The following PRH1 variants were observed in gnomAD, a reference collection of about 807,000 sequenced individuals.
The protein encoded by PRH1 is proline rich protein HaeIII subfamily 1.
PRH1 carries 7 observed loss-of-function variants against 7.9 expected under a neutral mutation model. That is an observed-to-expected ratio of 0.89 (90% CI 0.50 to 1.67). PRH1 has a LOEUF of 1.67. PRH1 is among the 40% of genes most tolerant of loss of function. The probability of loss-of-function intolerance (pLI) is 0.00; values close to 1 mark genes in which losing one functional copy is unlikely to be tolerated. For synonymous variants in PRH1, 45 were observed against 80.8 expected (o/e 0.56, Z 2.38); for missense variants, 109 against 223.6 (o/e 0.49, Z 3.27).
intron 1 of PRH1, among the ~76,000 whole-genome samples, chr12:11,169,329 G>T (rs1947737147): frequency 6.6e-6 from 1 of 152,090 alleles, no homozygotes; most frequent in Non-Finnish European, 1.5e-5. Context: ...CTAAATTATT[G>T]CTCCTATCCC....
intron 1 of PRH1, among the ~76,000 whole-genome samples, chr12:11,036,568 C>T (rs191594996): frequency 1.1e-3 from 175 of 152,254 alleles, no homozygotes; most frequent in African/African-American, 4.0e-3. Flanking sequence ...TTTATTTACA[C>T]GAAAATCTGA....
intron 1 of PRH1, among the ~76,000 whole-genome samples, chr12:11,154,410 A>C (rs1231845830): frequency 6.6e-6 from 1 of 152,234 alleles, no homozygotes. Context: ...TGAGACCCAA[A>C]GCAGGGGCCA....
At chr12:11,061,759 AC>A in intron 1 of PRH1, 1 of 1,614,082 alleles carries the variant, frequency 6.2e-7, no homozygotes, top group Non-Finnish European at 8.5e-7. Context: ...TAGGATGGTT[AC>A]CGTTGTATTT....
chr12:11,122,206 AC>A (rs756551670), intron 1 of PRH1, among the ~76,000 whole-genome samples: 115 of 152,360 alleles, frequency 7.5e-4, no homozygotes, highest in Non-Finnish European at 1.0e-3. Context: ...TTTTCCATTT[AC>A]CATAAGGACA....
At chr12:10,946,213 A>C (rs868504851) in intron 2 of PRH1, among the ~76,000 whole-genome samples, 16 of 152,216 alleles carry the variant, frequency 1.1e-4, no homozygotes, top group African/African-American at 3.9e-4. Flanking sequence ...AATCTTCACA[A>C]TTTATGTTCA....
intron 1 of PRH1, among the ~76,000 whole-genome samples, chr12:10,989,935 C>T (rs1404470479): frequency 1.3e-5 from 2 of 152,090 alleles, no homozygotes; most frequent in Admixed American, 6.5e-5. Flanking sequence ...TATCCTGTGG[C>T]ATTTGTTTTT....
chr12:11,086,110 C>CG (rs200314867), intron 1 of PRH1, among the ~76,000 whole-genome samples: 1 of 21,698 alleles, frequency 4.6e-5, no homozygotes, highest in Non-Finnish European at 2.4e-4. Context: ...ACATTCCCCC[C>CG]CCCACACACA....
chr12:11,031,317 TG>T, intron 1 of PRH1: 2 of 1,613,356 alleles, frequency 1.2e-6, no homozygotes, highest in African/African-American at 2.7e-5. Flanking sequence ...GAAAAAATGA[TG>T]GGTATAAAAG....
At chr12:10,998,150 T>A (rs1940396878) in intron 1 of PRH1, among the ~76,000 whole-genome samples, 1 of 152,140 alleles carries the variant, frequency 6.6e-6, no homozygotes, top group Non-Finnish European at 1.5e-5. Flanking sequence ...AGGCTGAAAT[T>A]TTTCATACTG....
At chr12:11,167,413 C>A (rs61928613) in intron 1 of PRH1, among the ~76,000 whole-genome samples, 112,678 of 151,214 alleles carry the variant, frequency 0.75, 44,462 homozygotes, top group East Asian at 0.96. Context: ...ACAGATGAAA[C>A]AATTCATGTC....
At chr12:11,123,854 G>C (rs557962178) in intron 1 of PRH1, among the ~76,000 whole-genome samples, 2 of 152,076 alleles carry the variant, frequency 1.3e-5, no homozygotes, top group South Asian at 2.1e-4. Context: ...TCTTGTTTTA[G>C]TGTTCAGAAT....
chr12:11,015,163 C>T (rs1335808165), intron 1 of PRH1, among the ~76,000 whole-genome samples: 19 of 152,230 alleles, frequency 1.2e-4, no homozygotes, highest in Admixed American at 6.5e-4. Context: ...AAACACACTG[C>T]GCATGCTCAC....
chr12:10,885,174 T>C (rs1454841310), upstream of PRH1, among the ~76,000 whole-genome samples: 1 of 152,248 alleles, frequency 6.6e-6, no homozygotes, highest in African/African-American at 2.4e-5. Context: ...TACATTCATC[T>C]AAGATAATTT....
rs771044832 is a variant in PRH1, at chr12:10,963,045, T to C, written c.-59+10610A>G. On this transcript the variant is annotated intron_variant, in intron 2 of 3. Transcript: ENST00000539853. ...TCGGCCTCTCAAAGTGCTGGGATTA[T>C]AGGCGTGAGCCACCGACCCCGACCA... Among the ~76,000 whole-genome samples, 32 of 152,282 alleles carry C rather than the reference T, an allele frequency of 2.1e-4. 1 individual carries two copies. Among genetic ancestry groups the C allele is most frequent in the Admixed American group, 1.8e-3 (27 of 15,304 alleles).
chr12:10,921,180 A>AT (rs1291595666), intron 2 of PRH1, among the ~76,000 whole-genome samples: 2 of 151,998 alleles, frequency 1.3e-5, no homozygotes, highest in East Asian at 3.9e-4. Flanking sequence ...TTTGAGAATA[A>AT]TTTTTTAACT....
At chr12:10,979,391 G>T (rs1939250229) in intron 1 of PRH1, among the ~76,000 whole-genome samples, 1 of 152,180 alleles carries the variant, frequency 6.6e-6, no homozygotes, top group African/African-American at 2.4e-5. Flanking sequence ...ATTCCAAGAA[G>T]AAAGGACACA....
chr12:10,990,402 G>T (rs1939877390), intron 1 of PRH1, among the ~76,000 whole-genome samples: 1 of 152,148 alleles, frequency 6.6e-6, no homozygotes, highest in Non-Finnish European at 1.5e-5. Context: ...CGAGAAGAAG[G>T]GACACAAGTA....
chr12:10,959,004 T>G (rs765775521), intron 2 of PRH1, among the ~76,000 whole-genome samples: 1 of 152,088 alleles, frequency 6.6e-6, no homozygotes, highest in Non-Finnish European at 1.5e-5. Context: ...AAAGAATAAT[T>G]AGAAACTCAT....
At chr12:10,975,673 A>G (rs1049701564) in intron 1 of PRH1, among the ~76,000 whole-genome samples, 1 of 151,984 alleles carries the variant, frequency 6.6e-6, no homozygotes, top group African/African-American at 2.4e-5. Context: ...TCCTTAAGAG[A>G]CCCATCTCAC....
Sources: gnomAD v4.1 joint callset for allele counts (sites outside exome capture counted in the v4.1 genomes callset) on GRCh38, gnomAD v4.1.1 for gene constraint, MANE v1.5 for transcripts, NCBI Gene and HGNC (gene_info 2026-07-23, HGNC 2026-07-21) for gene names.